The following UNC5B variants were observed in gnomAD, a reference collection of about 807,000 sequenced individuals.
The protein encoded by UNC5B is unc-5 netrin receptor B.
Under a neutral mutation model 103.7 loss-of-function variants are expected in UNC5B, and 56 were observed. The ratio of observed to expected loss-of-function variants is 0.54; its 90% confidence interval spans 0.44 to 0.67. The LOEUF (loss-of-function observed/expected upper bound fraction) is 0.67. UNC5B is among the 30% of genes least tolerant of loss of function. The pLI is 0.00. For missense variants in UNC5B, 1,194 were observed against 1,284.5 expected (o/e 0.93, Z 1.08); for synonymous variants, 577 against 542.0 (o/e 1.06, Z -0.90).
At chr10:71,235,018 A>AG (rs1190817843) in intron 1 of UNC5B, among the ~76,000 whole-genome samples, 1 of 151,938 alleles carries the variant, frequency 6.6e-6, no homozygotes, top group Non-Finnish European at 1.5e-5. Flanking sequence ...CCCAGCGCCC[A>AG]GGGGGGCCCC....
intron 1 of UNC5B, among the ~76,000 whole-genome samples, chr10:71,255,669 C>A (rs1382335423): frequency 6.6e-6 from 1 of 152,212 alleles, no homozygotes; most frequent in African/African-American, 2.4e-5. Context: ...TTTAATATCA[C>A]CCCTGTGATC....
At chr10:71,227,609 T>C (rs1589151309) in intron 1 of UNC5B, among the ~76,000 whole-genome samples, 1 of 118,556 alleles carries the variant, frequency 8.4e-6, no homozygotes, top group South Asian at 2.3e-4. Flanking sequence ...CATACATATA[T>C]ACATATATAT....
At chr10:71,288,915 C>A (rs1041344583) in intron 7 of UNC5B, 43 bp from the exon 8 acceptor site, 4 of 1,607,182 alleles carry the variant, frequency 2.5e-6, no homozygotes, top group Admixed American at 3.3e-5. Context: ...CACCCTTTCC[C>A]TGTCACCTAT....
intron 1 of UNC5B, among the ~76,000 whole-genome samples, chr10:71,242,258 C>A (rs111860932): frequency 1.8e-3 from 277 of 152,308 alleles, no homozygotes; most frequent in Middle Eastern, 6.8e-3. Context: ...CCCACCTCCC[C>A]CTGGGTGAGA....
intron 1 of UNC5B, among the ~76,000 whole-genome samples, chr10:71,264,971 T>TAAAAA (rs34240729): frequency 1.7e-5 from 2 of 120,850 alleles, no homozygotes. Flanking sequence ...CCTGTCTCTA[T>TAAAAA]AAAAAAAAAA....
chr10:71,252,910 A>T (rs1844205723), intron 1 of UNC5B, among the ~76,000 whole-genome samples: 1 of 152,056 alleles, frequency 6.6e-6, no homozygotes, highest in Admixed American at 6.6e-5. Context: ...TGGGGAGGTG[A>T]GGCTTGAGGG....
At chr10:71,217,604 C>T (rs1247982693) in intron 1 of UNC5B, 1 of 152,292 alleles carries the variant, frequency 6.6e-6, no homozygotes, top group Non-Finnish European at 1.5e-5. Flanking sequence ...AGCCACAGGT[C>T]CCCGCGGCGT....
chr10:71,241,457 C>G (rs912430312), intron 1 of UNC5B, among the ~76,000 whole-genome samples: 5 of 152,186 alleles, frequency 3.3e-5, no homozygotes, highest in African/African-American at 1.2e-4. Context: ...TAGCTCGTGT[C>G]CTGGGTTAGT....
At chr10:71,242,055 C>T (rs1174072153) in intron 1 of UNC5B, among the ~76,000 whole-genome samples, 1 of 152,100 alleles carries the variant, frequency 6.6e-6, no homozygotes, top group African/African-American at 2.4e-5. Flanking sequence ...GCTTGCTGGT[C>T]GGCTTTGTGG....
At chr10:71,228,854 A>C (rs139667505) in intron 1 of UNC5B, among the ~76,000 whole-genome samples, 2 of 152,212 alleles carry the variant, frequency 1.3e-5, no homozygotes, top group Non-Finnish European at 2.9e-5. Flanking sequence ...ACTGGGGCTC[A>C]GGAAAGTGAA....
chr10:71,288,459 A>G, intron 6 of UNC5B, 109 bp from the exon 7 acceptor site: 3 of 1,461,188 alleles, frequency 2.1e-6, no homozygotes, highest in Non-Finnish European at 2.8e-6. Flanking sequence ...ATTTCCTTCC[A>G]TGGTGTGTAT....
chr10:71,265,189 A>G (rs1319456139), intron 1 of UNC5B, among the ~76,000 whole-genome samples: 4 of 152,210 alleles, frequency 2.6e-5, no homozygotes, highest in Non-Finnish European at 4.4e-5. Flanking sequence ...GCTAGTTAGC[A>G]CTGTAAATGG....
intron 7 of UNC5B, 105 bp from the exon 8 acceptor site, chr10:71,288,853 T>TC (rs1845169406): frequency 7.1e-6 from 11 of 1,560,022 alleles, no homozygotes; most frequent in Non-Finnish European, 1.8e-6. Flanking sequence ...AGGGCCTCTG[T>TC]CCCCCCACCA....
At chr10:71,227,601 TACATATATAC>T (rs142757148) in intron 1 of UNC5B, among the ~76,000 whole-genome samples, 7,610 of 132,448 alleles carry the variant, frequency 0.057, 248 homozygotes, top group Non-Finnish European at 0.08. Flanking sequence ...TTTGTATACA[TACATATATAC>T]ATATATATAC....
At position 71,285,197 on chromosome 10, in the gene UNC5B, A is replaced by T. The variant is rs6480503; in HGVS notation, c.449-129A>T. On this transcript the variant is annotated intron_variant, in intron 3 of 16. Transcript: ENST00000335350. ...TCCTTTGGAGAAGAGGAAATTTCCCAGGCAAAGGCCAGGTGGGCCCATCAA... is the reference window on the plus strand; with the variant it reads ...TCCTTTGGAGAAGAGGAAATTTCCCTGGCAAAGGCCAGGTGGGCCCATCAA... The T allele has an allele frequency of 3.0e-6, 3 of 1,007,920 alleles. No homozygotes were observed. The South Asian group carries it at 4.3e-5, about 15-fold the overall frequency. The allele number at this position is 1,007,920 out of a possible 1,614,324, so 62.4% of individuals were successfully genotyped here.
At chr10:71,231,319 A>G (rs1310659231) in intron 1 of UNC5B, among the ~76,000 whole-genome samples, 4 of 152,158 alleles carry the variant, frequency 2.6e-5, no homozygotes, top group Non-Finnish European at 5.9e-5. Flanking sequence ...CATTTCACAC[A>G]TCAGCAAACG....
rs757119663 is a variant in UNC5B, at chr10:71,295,963, G to A, written c.2325+3G>A. 3.1e-6 allele frequency: 5 copies of A among 1,612,716 alleles called. No homozygotes were observed. The South Asian group carries it at 3.3e-5, about 11-fold the overall frequency. ...GCAAGCTGCTGGCCAAATACCAGGT[G>A]AGGGCTGGGCTGATGGATGGGGAGG... On this transcript the variant is annotated splice_donor_region_variant and intron_variant, in intron 14 of 16. Coordinates refer to ENST00000335350, the MANE Select transcript of UNC5B (RefSeq NM_170744.5).
chr10:71,256,746 T>C (rs1399238434), intron 1 of UNC5B, among the ~76,000 whole-genome samples: 1 of 152,192 alleles, frequency 6.6e-6, no homozygotes, highest in East Asian at 1.9e-4. Flanking sequence ...GGTGTGTGGG[T>C]TTTGATATTC....
At chr10:71,289,588 C>T (rs1845192406) in intron 8 of UNC5B, among the ~76,000 whole-genome samples, 1 of 152,250 alleles carries the variant, frequency 6.6e-6, no homozygotes, top group Non-Finnish European at 1.5e-5. Flanking sequence ...AATTAAACCA[C>T]AATTTCCAGT....
Sources: allele counts gnomAD v4.1 joint callset (sites outside exome capture counted in the v4.1 genomes callset), GRCh38; gene constraint gnomAD v4.1.1; transcripts MANE v1.5; gene names NCBI Gene and HGNC (gene_info 2026-07-23, HGNC 2026-07-21).